Variants in SLC6A15 observed in about 807,000 individuals in gnomAD.
The protein encoded by SLC6A15 is solute carrier family 6 member 15, also known as sodium-dependent neutral amino acid transporter B(0)AT2.
In SLC6A15, 33 loss-of-function variants were observed where a neutral mutation model predicts 68.5. That is an observed-to-expected ratio of 0.48 (90% CI 0.37 to 0.64). SLC6A15 has a LOEUF of 0.64. SLC6A15 is among the 30% of genes least tolerant of loss of function. The pLI is 0.00. For missense variants in SLC6A15, 747 were observed against 874.3 expected, an observed-to-expected ratio of 0.85 and a Z score of 1.84; for synonymous variants, 347 against 301.0, an observed-to-expected ratio of 1.15 and a Z score of -1.58.
At chr12:84,876,224 C>T (rs890282354) in intron 6 of SLC6A15, among the ~76,000 whole-genome samples, 7 of 151,100 alleles carry the variant, frequency 4.6e-5, no homozygotes, top group Non-Finnish European at 7.4e-5. Context: ...CAGTATAAAA[C>T]TTAGAAATAA....
intron 1 of SLC6A15, among the ~76,000 whole-genome samples, chr12:84,908,729 A>G (rs1449970385): frequency 2.6e-5 from 4 of 151,726 alleles, no homozygotes; most frequent in South Asian, 2.1e-4. Flanking sequence ...GCATATATAT[A>G]TGTGTGTATA....
intron 1 of SLC6A15, among the ~76,000 whole-genome samples, chr12:84,895,339 ATTTTTTTTTTTTT>A (rs67339994): frequency 0.021 from 1,156 of 54,830 alleles, 26 homozygotes; most frequent in African/African-American, 0.075. Context: ...TTTTGTTTGT[ATTTTTTTTTTTTT>A]TTTTTTTTTT....
At chr12:84,865,307 A>G (rs996499513) in intron 10 of SLC6A15, among the ~76,000 whole-genome samples, 1 of 152,196 alleles carries the variant, frequency 6.6e-6, no homozygotes, top group Non-Finnish European at 1.5e-5. Flanking sequence ...TTATTTTTTA[A>G]GAGCAATTTT....
intron 1 of SLC6A15, among the ~76,000 whole-genome samples, chr12:84,901,976 T>C (rs1872903334): frequency 6.6e-6 from 1 of 151,822 alleles, no homozygotes; most frequent in Non-Finnish European, 1.5e-5. Context: ...CATACTGTAA[T>C]GCTCAAGAAA....
chr12:84,867,183 A>G lies in SLC6A15; in HGVS notation c.1506T>C (p.Cys502=). The change falls in exon 10 of 12, where the codon TGT becomes TGC. Residue 502 remains cysteine (C), a synonymous_variant. Transcript: ENST00000266682. ...TCAGGCCAATACAAAATGCCAGAAGACAACAGATAACTAGACAAAAGAAAT... is the reference window on the plus strand; with the variant it reads ...TCAGGCCAATACAAAATGCCAGAAGGCAACAGATAACTAGACAAAAGAAAT... ...VRKEILTVIC[C]LLAFCIGLIF... 6.3e-7 allele frequency: 1 copy of G among 1,597,568 alleles called. No individual in the cohort carries two copies. The highest frequency in any genetic ancestry group is 8.5e-7 in the Non-Finnish European group (1 of 1,173,214).
At chr12:84,880,316 C>T (rs7960026) in intron 5 of SLC6A15, among the ~76,000 whole-genome samples, 6,177 of 152,220 alleles carry the variant, frequency 0.041, 395 homozygotes, top group African/African-American at 0.14. Flanking sequence ...TATTTGCATT[C>T]ACTCATATGG....
At chr12:84,882,428 G>A (rs141605648) in intron 5 of SLC6A15, 15 of 969,154 alleles carry the variant, frequency 1.5e-5, no homozygotes, top group Middle Eastern at 5.3e-4. Flanking sequence ...AAATTCAAAA[G>A]ACAAAATGAT....
intron 5 of SLC6A15, among the ~76,000 whole-genome samples, chr12:84,878,484 T>A (rs1361603899): frequency 6.6e-6 from 1 of 152,118 alleles, no homozygotes; most frequent in African/African-American, 2.4e-5. Context: ...CAATAGCTTC[T>A]TTTTATGTTT....
At chr12:84,869,294 T>C (rs767598900) in intron 9 of SLC6A15, among the ~76,000 whole-genome samples, 8 of 151,590 alleles carry the variant, frequency 5.3e-5, no homozygotes, top group African/African-American at 7.3e-5. Context: ...CCCGTCTCTA[T>C]TAAAAAAAAT....
rs150111603 is a variant in SLC6A15, at chr12:84,895,896, T to C, written c.-188-3588A>G. Reference sequence around the variant, plus strand: ...AAACTTAGTCCATAAATGTAGTCCATAAACATAGACAAAAAAGAAAATCAA... The same window carrying C: ...AAACTTAGTCCATAAATGTAGTCCACAAACATAGACAAAAAAGAAAATCAA... On this transcript the variant is annotated intron_variant, in intron 1 of 11. Transcript: ENST00000266682. Among the ~76,000 whole-genome samples the C allele has an allele frequency of 2.3e-4, 35 of 152,128 alleles. No individual in the cohort carries two copies. The South Asian group carries it at 2.9e-3, about 13-fold the overall frequency.
chr12:84,903,558 T>C (rs1238553774), intron 1 of SLC6A15, among the ~76,000 whole-genome samples: 2 of 152,134 alleles, frequency 1.3e-5, no homozygotes, highest in South Asian at 2.1e-4. Flanking sequence ...ACCAGGGTGG[T>C]ATTTTCTCGG....
intron 2 of SLC6A15, among the ~76,000 whole-genome samples, chr12:84,886,874 A>C (rs1872133933): frequency 6.6e-6 from 1 of 152,246 alleles, no homozygotes; most frequent in Admixed American, 6.5e-5. Context: ...ATAGTTTGAC[A>C]ATGTTAATAC....
chr12:84,863,867 C>A (rs1214241820), intron 10 of SLC6A15, among the ~76,000 whole-genome samples: 1 of 151,512 alleles, frequency 6.6e-6, no homozygotes, highest in Non-Finnish European at 1.5e-5. Context: ...AAAATATTTT[C>A]AGTATATTAA....
chr12:84,882,849 A>G (rs1871885671), intron 5 of SLC6A15: 1 of 329,020 alleles, frequency 3.0e-6, no homozygotes, highest in Non-Finnish European at 4.3e-6. Context: ...ATACATTTGT[A>G]ATAAATAATT....
intron 1 of SLC6A15, among the ~76,000 whole-genome samples, chr12:84,910,953 G>GTGTGTGTGTGTGTGTGTGTGTGTCTT (rs1565736544): frequency 2.8e-5 from 4 of 145,126 alleles, no homozygotes; most frequent in African/African-American, 1.1e-4. Context: ...GTGTGTGTGT[G>GTGTGTGTGTGTGTGTGTGTGTGTCTT]TCTTTAACCC....
Position 84,891,979 on chromosome 12 carries a change from C to A in SLC6A15, c.142G>T (p.Asp48Tyr). The part of the protein sequence containing the change: ...ELIVDGQEEK[D>Y]TDVEEGSEVE... ...TCAGATCCTTCTTCAACATCTGTAT[C>A]TTTCTCTTCCTGGCCATCAACAATT... Residue 48 changes from aspartate (D) to tyrosine (Y), a missense_variant, in exon 2 of 12, where the codon GAT becomes TAT. Physicochemically the swap from Asp to Tyr is radical, Grantham distance 160. Coordinates refer to ENST00000266682, the MANE Select transcript of SLC6A15 (RefSeq NM_182767.6). 6.2e-7 allele frequency: 1 copy of A among 1,613,982 alleles called. No homozygotes were observed. Among genetic ancestry groups the A allele is most frequent in the Non-Finnish European group, 8.5e-7 (1 of 1,179,986 alleles).
chr12:84,876,634 G>C (rs776063191), intron 5 of SLC6A15, 27 bp from the exon 6 acceptor site: 3 of 1,197,358 alleles, frequency 2.5e-6, no homozygotes, highest in East Asian at 4.9e-5. Flanking sequence ...ATAAAAATAA[G>C]TGAGATACAA....
At chr12:84,862,226 G>T (rs1870883450) in intron 11 of SLC6A15, among the ~76,000 whole-genome samples, 2 of 152,080 alleles carry the variant, frequency 1.3e-5, no homozygotes, top group African/African-American at 2.4e-5. Context: ...CCCTGAATAT[G>T]ATGCTTGGAA....
At chr12:84,903,680 T>G (rs2120727854) in intron 1 of SLC6A15, among the ~76,000 whole-genome samples, 1 of 152,234 alleles carries the variant, frequency 6.6e-6, no homozygotes, top group South Asian at 2.1e-4. Flanking sequence ...TCAGATTGCC[T>G]ACTTCCTTCT....
Sources: allele counts gnomAD v4.1 joint callset (sites outside exome capture counted in the v4.1 genomes callset), GRCh38; gene constraint gnomAD v4.1.1; transcripts MANE v1.5; gene names NCBI Gene and HGNC (gene_info 2026-07-23, HGNC 2026-07-21).